ZNF131: variants seen among roughly 807,000 people sequenced by gnomAD.
ZNF131 encodes zinc finger and BTB domain containing 35.
ZNF131 carries 7 observed loss-of-function variants against 60.0 expected under a neutral mutation model. The ratio of observed to expected loss-of-function variants is 0.12; its 90% confidence interval spans 0.07 to 0.22. The LOEUF is 0.22. Ranked by LOEUF, ZNF131 falls within the 10% of genes least tolerant of loss-of-function variation. The pLI is 1.00. For missense variants in ZNF131, 493 were observed against 740.9 expected (o/e 0.67, Z 3.88); for synonymous variants, 257 against 253.2 (o/e 1.01, Z -0.14).
intron 1 of ZNF131, 146 bp from the exon 2 acceptor site, chr5:43,121,893 T>G: frequency 1.1e-6 from 1 of 908,924 alleles, no homozygotes; most frequent in Non-Finnish European, 1.5e-6. Context: ...CGGCTCGCCT[T>G]TCTTCCCTCG....
chr5:43,174,997 C>A lies in ZNF131; in HGVS notation c.1736C>A (p.Ser579Tyr). ...PEIMNQEERE[S>Y]SQADAAEAAR... ...ATCATGAACCAAGAGGAGAGAGAGT[C>A]TAGCCAAGCAGATGCTGCTGAGGCT... The change falls in exon 7 of 7, where the codon TCT becomes TAT. Residue 579 changes from serine (S) to tyrosine (Y), a missense_variant. Physicochemically the swap from Ser to Tyr is moderately radical, Grantham distance 144. Coordinates refer to ENST00000682664, the MANE Select transcript of ZNF131 (RefSeq NM_001330707.2). The A allele has an allele frequency of 1.9e-6, 3 of 1,614,134 alleles. No individual in the cohort carries two copies. The highest frequency in any genetic ancestry group is 2.7e-5 in the African/African-American group (2 of 75,028).
At chr5:43,143,725 G>C (rs953634886) in intron 4 of ZNF131, among the ~76,000 whole-genome samples, 1 of 151,854 alleles carries the variant, frequency 6.6e-6, no homozygotes, top group African/African-American at 2.4e-5. Flanking sequence ...GCTCTTTATA[G>C]GGTACACCAT....
At chr5:43,144,283 T>C (rs1450617980) in intron 4 of ZNF131, among the ~76,000 whole-genome samples, 1 of 129,232 alleles carries the variant, frequency 7.7e-6, no homozygotes, top group Non-Finnish European at 1.6e-5. Context: ...CAGAGCTTTG[T>C]GTTGGCACGA....
At chr5:43,143,264 G>T in intron 4 of ZNF131, 1 of 555,410 alleles carries the variant, frequency 1.8e-6, no homozygotes, top group Non-Finnish European at 2.5e-6. Flanking sequence ...CTTGTGATCT[G>T]CCCGCCTCTG....
At position 43,139,138 on chromosome 5, in the gene ZNF131, A is replaced by G; in HGVS notation, c.227-27A>G. 2.0e-6 allele frequency: 3 copies of G among 1,511,298 alleles called. No individual in the cohort carries two copies. In the South Asian group the frequency reaches 4.3e-5, roughly 21 times the overall value. 93.6% of individuals were successfully genotyped at this position (1,511,298 alleles called of 1,614,324 possible). ...GTAAGATTTGAGTCAATATGATTAC[A>G]TGCTCTAATGTACATCTTCTTTACA... On this transcript the variant is annotated intron_variant, in intron 3 of 6. Coordinates refer to ENST00000682664, the MANE Select transcript of ZNF131 (RefSeq NM_001330707.2).
At chr5:43,136,650 CTT>C (rs139991070) in intron 3 of ZNF131, among the ~76,000 whole-genome samples, 11 of 122,484 alleles carry the variant, frequency 9.0e-5, no homozygotes, top group Non-Finnish European at 1.0e-4. Flanking sequence ...TTTTCTTTTT[CTT>C]TTTTTTTTTT....
intron 3 of ZNF131, 124 bp from the exon 4 acceptor site, chr5:43,139,041 C>T: frequency 3.6e-6 from 3 of 836,890 alleles, no homozygotes; most frequent in Non-Finnish European, 5.0e-6. Context: ...AGAATTTTTC[C>T]AGAAAATAGT....
chr5:43,158,847 CT>C (rs35631723), intron 4 of ZNF131, among the ~76,000 whole-genome samples: 152 of 146,052 alleles, frequency 1.0e-3, no homozygotes, highest in East Asian at 1.6e-3. Context: ...TCCAGAAAGC[CT>C]TTTTTTTTTT....
At chr5:43,157,564 C>A (rs559446615) in intron 4 of ZNF131, among the ~76,000 whole-genome samples, 1 of 152,260 alleles carries the variant, frequency 6.6e-6, no homozygotes, top group East Asian at 1.9e-4. Context: ...AGCAGCTGTT[C>A]TTGAACTTGC....
intron 4 of ZNF131, among the ~76,000 whole-genome samples, chr5:43,142,255 T>G (rs1310200165): frequency 6.8e-6 from 1 of 147,856 alleles, no homozygotes; most frequent in Non-Finnish European, 1.5e-5. Flanking sequence ...AGGCAGAGAA[T>G]TGCTTGAACC....
intron 3 of ZNF131, among the ~76,000 whole-genome samples, chr5:43,138,896 A>G (rs186378101): frequency 1.8e-4 from 28 of 152,328 alleles, no homozygotes; most frequent in Admixed American, 1.6e-3. Context: ...CATGTCTGAC[A>G]TGTAATAGCC....
intron 5 of ZNF131, among the ~76,000 whole-genome samples, chr5:43,168,738 G>C (rs146254023): frequency 3.0e-3 from 462 of 152,248 alleles, no homozygotes; most frequent in Non-Finnish European, 4.8e-3. Context: ...GCTCAGTGAG[G>C]AATCTTGGAG....
chr5:43,141,985 C>T (rs1239039473), intron 4 of ZNF131, among the ~76,000 whole-genome samples: 2 of 151,958 alleles, frequency 1.3e-5, no homozygotes, highest in East Asian at 3.9e-4. Context: ...TTGACTTTTT[C>T]CCCCATGCAT....
At chr5:43,135,006 AT>A (rs1380552089) in intron 3 of ZNF131, among the ~76,000 whole-genome samples, 1 of 126,420 alleles carries the variant, frequency 7.9e-6, no homozygotes, top group Non-Finnish European at 1.7e-5. Flanking sequence ...CATCAGTTAC[AT>A]TTTTTTTTGA....
chr5:43,121,835 C>T (rs904632198), intron 1 of ZNF131: 2 of 452,160 alleles, frequency 4.4e-6, no homozygotes, highest in Admixed American at 4.2e-5. Context: ...TTAGGTCAGG[C>T]TCGGAGTCCC....
chr5:43,137,232 T>G (rs1163439654), intron 3 of ZNF131, among the ~76,000 whole-genome samples: 1 of 151,986 alleles, frequency 6.6e-6, no homozygotes, highest in Non-Finnish European at 1.5e-5. Flanking sequence ...CTAAAAAGCT[T>G]CTGTACAGCA....
chr5:43,131,608 A>C (rs1337966727), intron 3 of ZNF131, among the ~76,000 whole-genome samples: 2 of 152,194 alleles, frequency 1.3e-5, no homozygotes, highest in Non-Finnish European at 2.9e-5. Context: ...TGAAATTCTA[A>C]TACATTTGAG....
At chr5:43,144,005 C>G (rs1747231135) in intron 4 of ZNF131, among the ~76,000 whole-genome samples, 1 of 144,586 alleles carries the variant, frequency 6.9e-6, no homozygotes, top group African/African-American at 2.5e-5. Context: ...TCACTGCAAG[C>G]TCCACCTCCC....
At chr5:43,149,803 C>CT (rs55674525) in intron 4 of ZNF131, among the ~76,000 whole-genome samples, 27,499 of 151,910 alleles carry the variant, frequency 0.18, 2,936 homozygotes, top group Middle Eastern at 0.34. Context: ...TTTTAATCGG[C>CT]TTTTTTGCCA....
Sources: gnomAD v4.1 joint callset for allele counts (sites outside exome capture counted in the v4.1 genomes callset) on GRCh38, gnomAD v4.1.1 for gene constraint, MANE v1.5 for transcripts, NCBI Gene and HGNC (gene_info 2026-07-23, HGNC 2026-07-21) for gene names.